The following THSD7B variants were observed in gnomAD, a reference collection of about 807,000 sequenced individuals.
The protein encoded by THSD7B is thrombospondin type-1 domain-containing protein 7B.
A neutral mutation model predicts 213.6 loss-of-function variants in THSD7B; 138 were observed. The ratio of observed to expected loss-of-function variants is 0.65; its 90% CI spans 0.56 to 0.74. The LOEUF (loss-of-function observed/expected upper bound fraction) is 0.74, where lower values mean the gene tolerates loss of function less well. Ranked by LOEUF, THSD7B falls within the 30% of genes least tolerant of loss-of-function variation. THSD7B has a pLI of 0.00. For missense variants in THSD7B, 1,931 were observed against 1,991.5 expected (o/e 0.97, Z 0.58); for synonymous variants, 742 against 687.0 (o/e 1.08, Z -1.25).
At chr2:137,429,718 G>A (rs1299537775) in intron 14 of THSD7B, among the ~76,000 whole-genome samples, 1 of 152,166 alleles carries the variant, frequency 6.6e-6, no homozygotes, top group Non-Finnish European at 1.5e-5. Flanking sequence ...GTGCATTGTT[G>A]TTTGGCAATA....
chr2:137,276,104 TATATTTGA>T (rs146073386), intron 12 of THSD7B, 78 bp downstream of exon 12: 28,037 of 983,656 alleles, frequency 0.029, 474 homozygotes, highest in East Asian at 0.048. Flanking sequence ...TGCTTACTTT[TATATTTGA>T]ATGAATTGTG....
chr2:136,876,879 T>G (rs1683533688), intron 1 of THSD7B, among the ~76,000 whole-genome samples: 1 of 152,090 alleles, frequency 6.6e-6, no homozygotes, highest in Non-Finnish European at 1.5e-5. Context: ...TAAACACATG[T>G]GTTTGTGGCT....
At chr2:137,120,788 A>G (rs1688532138) in intron 5 of THSD7B, among the ~76,000 whole-genome samples, 1 of 152,202 alleles carries the variant, frequency 6.6e-6, no homozygotes, top group Non-Finnish European at 1.5e-5. Flanking sequence ...CCGAGTGCAA[A>G]CAAGCTTCCT....
chr2:137,279,828 T>C (rs2104815952), intron 12 of THSD7B, among the ~76,000 whole-genome samples: 1 of 152,310 alleles, frequency 6.6e-6, no homozygotes, highest in South Asian at 2.1e-4. Flanking sequence ...CCTGCACATA[T>C]GACTTTATTT....
intron 15 of THSD7B, among the ~76,000 whole-genome samples, chr2:137,549,189 A>G (rs905066567): frequency 1.3e-5 from 2 of 151,764 alleles, no homozygotes; most frequent in African/African-American, 2.4e-5. Flanking sequence ...ACCTTAGTAC[A>G]TATGTTTCTA....
Position 137,535,072 on chromosome 2 carries a change from T to C in THSD7B, c.3139-28149T>C, listed in dbSNP as rs556510929. 1.8e-4 allele frequency among the ~76,000 whole-genome samples: 27 copies of C among 151,992 alleles called. No individual in the cohort carries two copies. The South Asian group carries it at 4.1e-3, about 23-fold the overall frequency. On this transcript the variant is annotated intron_variant, in intron 15 of 27. Coordinates refer to ENST00000409968, the MANE Select transcript of THSD7B (RefSeq NM_001316349.2). ...ATTTAACTTGATGGTCTTATGGTAC[T>C]ACAAAAAGTTGTGAATACAGATAAT...
chr2:137,132,408 C>T (rs725183), intron 5 of THSD7B, among the ~76,000 whole-genome samples: 101,788 of 151,622 alleles, frequency 0.67, 35,871 homozygotes, highest in Non-Finnish European at 0.77. Context: ...GATTTGATTT[C>T]GGGAATGTTT....
chr2:137,459,604 G>T (rs1323759218), intron 15 of THSD7B, among the ~76,000 whole-genome samples: 1 of 152,002 alleles, frequency 6.6e-6, no homozygotes, highest in South Asian at 2.1e-4. Flanking sequence ...AGTGGAGGTT[G>T]CAATTAGCTG....
chr2:137,207,518 T>G (rs1049860355), intron 7 of THSD7B, among the ~76,000 whole-genome samples: 5 of 152,072 alleles, frequency 3.3e-5, no homozygotes, highest in African/African-American at 1.2e-4. Context: ...CAGAGTGTAA[T>G]GCAAATTGTT....
chr2:137,263,753 G>GGAA (rs1427807595), intron 10 of THSD7B, among the ~76,000 whole-genome samples: 1 of 152,060 alleles, frequency 6.6e-6, no homozygotes, highest in African/African-American at 2.4e-5. Context: ...GAATTTTAGG[G>GGAA]GAAGATGCTG....
intron 3 of THSD7B, among the ~76,000 whole-genome samples, chr2:137,060,491 T>C (rs1328230143): frequency 6.6e-6 from 1 of 151,922 alleles, no homozygotes; most frequent in Non-Finnish European, 1.5e-5. Flanking sequence ...CATAATTTTG[T>C]TTATTATATT....
chr2:137,296,625 C>T (rs780944227), intron 12 of THSD7B, among the ~76,000 whole-genome samples: 1 of 152,060 alleles, frequency 6.6e-6, no homozygotes, highest in Non-Finnish European at 1.5e-5. Flanking sequence ...ACCAATACTA[C>T]CATTGAATGC....
chr2:137,365,676 C>A (rs1223351465), intron 12 of THSD7B, among the ~76,000 whole-genome samples: 1 of 152,132 alleles, frequency 6.6e-6, no homozygotes, highest in Non-Finnish European at 1.5e-5. Context: ...AAATGCAAAT[C>A]AAAACCACAA....
chr2:137,062,179 A>G (rs1049149928), intron 3 of THSD7B, among the ~76,000 whole-genome samples: 2 of 151,742 alleles, frequency 1.3e-5, no homozygotes, highest in African/African-American at 4.8e-5. Context: ...TGGGATTATT[A>G]ATGATTACCC....
chr2:137,071,984 A>G (rs1167766907), intron 3 of THSD7B, among the ~76,000 whole-genome samples: 1 of 152,214 alleles, frequency 6.6e-6, no homozygotes, highest in Non-Finnish European at 1.5e-5. Context: ...TTTTGGTACC[A>G]GTATCATGCT....
chr2:137,613,163 T>C (rs894489984), intron 17 of THSD7B, among the ~76,000 whole-genome samples: 1 of 152,186 alleles, frequency 6.6e-6, no homozygotes, highest in Non-Finnish European at 1.5e-5. Flanking sequence ...CCCTTGCTTG[T>C]TTTCCACCTT....
At chr2:137,071,045 C>G (rs1453832613) in intron 3 of THSD7B, among the ~76,000 whole-genome samples, 3 of 152,130 alleles carry the variant, frequency 2.0e-5, no homozygotes, top group African/African-American at 7.2e-5. Context: ...GTCTTTATAG[C>G]AGCATGATTT....
chr2:136,892,597 A>G (rs951122952), intron 2 of THSD7B, among the ~76,000 whole-genome samples: 2 of 151,992 alleles, frequency 1.3e-5, no homozygotes, highest in Non-Finnish European at 1.5e-5. Context: ...TTTGAATGAT[A>G]TACCTCAAAT....
intron 2 of THSD7B, among the ~76,000 whole-genome samples, chr2:136,891,943 G>A (rs1573693482): frequency 6.6e-6 from 1 of 152,112 alleles, no homozygotes; most frequent in East Asian, 1.9e-4. Context: ...CAGGGGCTGG[G>A]GTCATCTGGA....
Sources: gnomAD v4.1 joint callset for allele counts (sites outside exome capture counted in the v4.1 genomes callset) on GRCh38, gnomAD v4.1.1 for gene constraint, MANE v1.5 for transcripts, NCBI Gene and HGNC (gene_info 2026-07-23, HGNC 2026-07-21) for gene names.